The following CFAP54 variants were observed in gnomAD, a reference collection of about 807,000 sequenced individuals.
The protein encoded by CFAP54 is cilia- and flagella-associated protein 54.
CFAP54 carries 290 observed loss-of-function variants against 370.4 expected under a neutral mutation model. The ratio of observed to expected loss-of-function variants is 0.78; its 90% confidence interval spans 0.71 to 0.86. CFAP54 has a LOEUF of 0.86. Ranked by LOEUF, CFAP54 falls within the 40% of genes least tolerant of loss-of-function variation. CFAP54 has a pLI of 0.00. For missense variants in CFAP54, 3,399 were observed against 3,528.7 expected (o/e 0.96, Z 0.93); for synonymous variants, 1,206 against 1,236.5 (o/e 0.98, Z 0.52).
Position 96,825,169 on chromosome 12 carries a change from T to A in CFAP54, c.9097-3845T>A, listed in dbSNP as rs549031174. ...CCATGTTTCTACTACTAAGAATTATTCTCTCCCACATCTAGGATCCTAGAT... is the reference window on the plus strand; with the variant it reads ...CCATGTTTCTACTACTAAGAATTATACTCTCCCACATCTAGGATCCTAGAT... On this transcript the variant is annotated intron_variant, in intron 65 of 67. Transcript: ENST00000524981. 9.6e-5 allele frequency among the ~76,000 whole-genome samples: 14 copies of A among 146,530 alleles called. No homozygotes were observed. In the East Asian group the frequency reaches 2.8e-3, roughly 29 times the overall value.
chr12:96,610,579 C>G (rs1031735584), intron 26 of CFAP54, among the ~76,000 whole-genome samples: 1 of 152,162 alleles, frequency 6.6e-6, no homozygotes, highest in Non-Finnish European at 1.5e-5. Context: ...TGAGCCGAAG[C>G]AGGGTGAGGC....
At chr12:96,812,785 C>T (rs1958940092) in intron 64 of CFAP54, among the ~76,000 whole-genome samples, 1 of 152,166 alleles carries the variant, frequency 6.6e-6, no homozygotes, top group Non-Finnish European at 1.5e-5. Context: ...CTTGGCATCA[C>T]CATGAAAGAG....
chr12:96,546,263 T>C (rs1377299923), intron 14 of CFAP54, among the ~76,000 whole-genome samples: 2 of 152,196 alleles, frequency 1.3e-5, no homozygotes, highest in South Asian at 2.1e-4. Flanking sequence ...CACCGCAGAA[T>C]TGATTTCATG....
intron 66 of CFAP54, among the ~76,000 whole-genome samples, chr12:96,829,900 C>G (rs1472991353): frequency 6.6e-6 from 1 of 152,064 alleles, no homozygotes; most frequent in Non-Finnish European, 1.5e-5. Flanking sequence ...CACCCCAGCT[C>G]CTGGTAACCT....
At chr12:96,812,885 T>C (rs1958941143) in intron 64 of CFAP54, among the ~76,000 whole-genome samples, 1 of 151,776 alleles carries the variant, frequency 6.6e-6, no homozygotes, top group African/African-American at 2.4e-5. Flanking sequence ...TTTTCTCCTC[T>C]TCTCTCCTGT....
intron 32 of CFAP54, among the ~76,000 whole-genome samples, chr12:96,634,138 C>T (rs1956639433): frequency 6.9e-6 from 1 of 145,012 alleles, no homozygotes; most frequent in South Asian, 2.3e-4. Flanking sequence ...TCACTGCAAC[C>T]TCCGCCTCCC....
chr12:96,497,864 A>G (rs189455922), intron 1 of CFAP54, among the ~76,000 whole-genome samples: 5 of 152,320 alleles, frequency 3.3e-5, no homozygotes, highest in Admixed American at 3.3e-4. Flanking sequence ...CCTATATAAG[A>G]AGAGTTTAAA....
At chr12:96,803,714 C>T (rs936998283) in intron 63 of CFAP54, among the ~76,000 whole-genome samples, 2 of 152,154 alleles carry the variant, frequency 1.3e-5, no homozygotes, top group Non-Finnish European at 2.9e-5. Context: ...CAACCAACAA[C>T]ATATATACAC....
chr12:96,554,221 C>T lies in CFAP54; in HGVS notation c.2194C>T (p.Leu732Phe). ...ACAGTTACTTTTTGCTTATAAACTTCTTGACAGAGCAATCGGTGGAATAAA... is the reference window on the plus strand; with the variant it reads ...ACAGTTACTTTTTGCTTATAAACTTTTTGACAGAGCAATCGGTGGAATAAA... ...VEQLLFAYKL[L>F]DRAIGGINLN... is the part of the protein sequence containing the mutation. Residue 732 changes from leucine (L) to phenylalanine (F), a missense_variant, in exon 16 of 68, where the codon CTT becomes TTT. Leu to Phe is a conservative substitution (Grantham distance 22, BLOSUM62 0). Transcript: ENST00000524981. 2.0e-6 allele frequency: 3 copies of T among 1,524,048 alleles called. No homozygotes were observed. The highest frequency in any genetic ancestry group is 2.6e-6 in the Non-Finnish European group (3 of 1,141,264). 94.4% of individuals were successfully genotyped at this position (1,524,048 alleles called of 1,614,324 possible). A position where few individuals can be genotyped will look rare whatever the true frequency, so the allele number is the denominator to read the frequency against.
At chr12:96,781,226 A>T (rs775636606) in intron 60 of CFAP54, among the ~76,000 whole-genome samples, 3 of 152,146 alleles carry the variant, frequency 2.0e-5, no homozygotes, top group Non-Finnish European at 4.4e-5. Flanking sequence ...AATACGGTAA[A>T]AAGTGCAAAT....
rs1297830360 is a variant in CFAP54 at position 96,663,887 on chromosome 12, G to A, written c.5518G>A (p.Ala1840Thr). ...TAAGATTAATTCTTCAACCATTGAA[G>A]CAACAAGCAACTGCACAGATTTGCT... ...QLKINSSTIE[A>T]TSNCTDLLKM... Residue 1840 changes from alanine to threonine, a missense_variant, in exon 39 of 68, where the codon GCA becomes ACA. This residue lies in a region of CFAP54 where 2,796 missense variants were observed against 2,869.7 expected (regional missense o/e 0.97). Coordinates refer to ENST00000524981, the MANE Select transcript of CFAP54 (RefSeq NM_001306084.2). 4 of 1,613,258 alleles carry A rather than the reference G, an allele frequency of 2.5e-6. No individual in the cohort carries two copies. The highest frequency in any genetic ancestry group is 3.4e-6 in the Non-Finnish European group (4 of 1,179,592).
At chr12:96,810,569 A>G (rs1592777070) in intron 63 of CFAP54, among the ~76,000 whole-genome samples, 1 of 152,300 alleles carries the variant, frequency 6.6e-6, no homozygotes. Flanking sequence ...CAGGAAAATA[A>G]CAAGAGAATG....
chr12:96,863,271 A>G (rs937972316), intron 67 of CFAP54, among the ~76,000 whole-genome samples: 21 of 152,070 alleles, frequency 1.4e-4, no homozygotes, highest in African/African-American at 5.1e-4. Context: ...ACACTCCACC[A>G]TCATTACCGC....
In CFAP54 at chr12:96,621,571, A is replaced by C. The variant is rs1956489227; in HGVS notation, c.3640-19A>C. On this transcript the variant is annotated intron_variant, in intron 26 of 67. Coordinates refer to ENST00000524981, the MANE Select transcript of CFAP54 (RefSeq NM_001306084.2). ...ACAAGAATGTCCAACAGAGATAATT[A>C]ATAAATATTTTAAATTAGATTCTTC... 1 of 1,417,080 alleles carries C rather than the reference A, an allele frequency of 7.1e-7. No individual in the cohort carries two copies. The highest frequency in any genetic ancestry group is 9.4e-7 in the Non-Finnish European group (1 of 1,064,534). The allele number at this position is 1,417,080 out of a possible 1,614,324, so 87.8% of individuals were successfully genotyped here. A position where few individuals can be genotyped will look rare whatever the true frequency, so the allele number is the denominator to read the frequency against.
At chr12:96,660,437 C>A (rs965443008) in intron 38 of CFAP54, among the ~76,000 whole-genome samples, 39 of 152,056 alleles carry the variant, frequency 2.6e-4, no homozygotes, top group African/African-American at 9.2e-4. Flanking sequence ...CTCTAAGTAC[C>A]ATCTCTATCA....
rs1956542940 is a variant in CFAP54 at position 96,625,718 on chromosome 12, A to G, written c.3887A>G (p.Tyr1296Cys). The change falls in exon 29 of 68, where the codon TAT (tyrosine) becomes TGT (cysteine). Residue 1296 changes from tyrosine to cysteine, a missense_variant and splice_region_variant. Tyr to Cys is a radical substitution (Grantham distance 194). Coordinates refer to ENST00000524981, the MANE Select transcript of CFAP54 (RefSeq NM_001306084.2). ...ETHLLKLTKQ[Y>C]VTSELSGGED... The stretch of plus-strand genomic sequence containing the variant: ...CAACTTTTGAATTTTTTAACCTTAG[A>G]TGTTACATCTGAACTCTCAGGAGGA... 1 of 1,530,074 alleles carries G rather than the reference A, an allele frequency of 6.5e-7. No homozygotes were observed. Among genetic ancestry groups the G allele is most frequent in the Non-Finnish European group, 8.7e-7 (1 of 1,143,678 alleles). 94.8% of individuals were successfully genotyped at this position (1,530,074 alleles called of 1,614,324 possible).
chr12:96,634,046 C>CTTTGTTTTTTTTT (rs1956637061), intron 32 of CFAP54, among the ~76,000 whole-genome samples: 1 of 56,866 alleles, frequency 1.8e-5, no homozygotes, highest in Non-Finnish European at 3.3e-5. Flanking sequence ...TAGCGAACAT[C>CTTTGTTTTTTTTT]TTTTTTTTTT....
chr12:96,538,763 T>C (rs1400232590), intron 13 of CFAP54: 2 of 411,816 alleles, frequency 4.9e-6, no homozygotes, highest in Non-Finnish European at 8.8e-6. Flanking sequence ...AGGCCTTTTT[T>C]TTTTTGGCAG....
At chr12:96,781,278 T>C (rs76542375) in intron 60 of CFAP54, among the ~76,000 whole-genome samples, 1,840 of 152,272 alleles carry the variant, frequency 0.012, 41 homozygotes, top group African/African-American at 0.041. Flanking sequence ...TCAGAAATTC[T>C]AGGGAAAAAT....
Sources: allele counts gnomAD v4.1 joint callset (sites outside exome capture counted in the v4.1 genomes callset), GRCh38; gene constraint gnomAD v4.1.1; regional missense constraint gnomAD v4.1.1; transcripts MANE v1.5; gene names NCBI Gene and HGNC (gene_info 2026-07-23, HGNC 2026-07-21).